The following FRMPD4 variants were observed in gnomAD, a reference collection of about 807,000 sequenced individuals.
FRMPD4 encodes the protein FERM and PDZ domain-containing protein 4.
FRMPD4 carries 22 observed loss-of-function variants against 94.1 expected under a neutral mutation model. The observed-to-expected ratio is 0.23, with a 90% confidence interval of 0.17 to 0.33. The LOEUF is 0.33. Among genes scored for constraint, FRMPD4 ranks in the 10% least tolerant of loss-of-function variants. FRMPD4 has a pLI of 1.00. For missense variants in FRMPD4, 1,111 were observed against 1,339.9 expected (o/e 0.83, Z 2.67); for synonymous variants, 631 against 548.6 (o/e 1.15, Z -2.10).
chrX:12,547,316 G>A (rs2058489292), intron 2 of FRMPD4, among the ~76,000 whole-genome samples: 2 of 111,404 alleles, frequency 1.8e-5, no homozygotes, highest in Admixed American at 1.9e-4. Flanking sequence ...TCTGGCTCCA[G>A]AAGCCATGCT....
chrX:12,310,144 G>A (rs1410321665), intron 1 of FRMPD4, among the ~76,000 whole-genome samples: 2 of 110,505 alleles, frequency 1.8e-5, no homozygotes, highest in Non-Finnish European at 3.8e-5. Flanking sequence ...GGAGATAGGG[G>A]TGGAGCCGTT....
intron 3 of FRMPD4, among the ~76,000 whole-genome samples, chrX:11,909,661 A>G (rs893605757): frequency 6.4e-5 from 7 of 109,881 alleles, no homozygotes; most frequent in African/African-American, 2.3e-4. Context: ...TAGTATATTC[A>G]TTAATGTTAT....
chrX:12,610,004 G>A (rs770388269), intron 3 of FRMPD4, 123 bp downstream of exon 3: 2 of 630,734 alleles, frequency 3.2e-6, no homozygotes, highest in South Asian at 6.5e-5. Flanking sequence ...CCAAAACCTG[G>A]ATAGAGTCAC....
intron 3 of FRMPD4, among the ~76,000 whole-genome samples, chrX:11,903,383 T>C (rs2053948700): frequency 8.9e-6 from 1 of 112,680 alleles, no homozygotes; most frequent in South Asian, 3.7e-4. Context: ...TTCATTTTTA[T>C]ATACAGTTTT....
chrX:12,648,108 C>T (rs1003838170), intron 4 of FRMPD4, among the ~76,000 whole-genome samples: 8 of 111,534 alleles, frequency 7.2e-5, no homozygotes, highest in Non-Finnish European at 1.5e-4. Flanking sequence ...ATAACTGAAC[C>T]TCCTCTGACA....
At chrX:12,178,642 C>T (rs981389626) in intron 1 of FRMPD4, among the ~76,000 whole-genome samples, 1 of 111,809 alleles carries the variant, frequency 8.9e-6, no homozygotes, top group African/African-American at 3.3e-5. Flanking sequence ...GTGCCAAGTA[C>T]TGTTCTAGGA....
At chrX:12,285,331 G>T in intron 1 of FRMPD4, among the ~76,000 whole-genome samples, 1 of 112,041 alleles carries the variant, frequency 8.9e-6, no homozygotes, top group South Asian at 3.8e-4. Flanking sequence ...TGCTAACAAA[G>T]ACCAACATCA....
intron 3 of FRMPD4, among the ~76,000 whole-genome samples, chrX:11,999,010 G>T: frequency 8.9e-6 from 1 of 111,825 alleles, no homozygotes; most frequent in Non-Finnish European, 1.9e-5. Context: ...GACAGTTCAG[G>T]ATCCCTATCT....
chrX:12,395,422 A>G (rs2056531049), intron 1 of FRMPD4, among the ~76,000 whole-genome samples: 1 of 112,544 alleles, frequency 8.9e-6, no homozygotes, highest in Non-Finnish European at 1.9e-5. Flanking sequence ...CACAAAATTA[A>G]TGGGCAATTT....
At chrX:12,129,290 G>A (rs1052795604) in intron 3 of FRMPD4, among the ~76,000 whole-genome samples, 1 of 111,582 alleles carries the variant, frequency 9.0e-6, no homozygotes, top group Non-Finnish European at 1.9e-5. Flanking sequence ...TACAATCATG[G>A]CAGAAGGGGA....
intron 3 of FRMPD4, among the ~76,000 whole-genome samples, chrX:12,076,731 A>T (rs909865802): frequency 9.0e-6 from 1 of 110,741 alleles, no homozygotes; most frequent in South Asian, 3.9e-4. Flanking sequence ...CTATGCATTG[A>T]TGACCTTTCC....
intron 1 of FRMPD4, among the ~76,000 whole-genome samples, chrX:12,475,133 A>C (rs1012120055): frequency 3.6e-5 from 4 of 111,939 alleles, no homozygotes; most frequent in African/African-American, 9.7e-5. Flanking sequence ...TGGGCTTCAT[A>C]CCTGGGATGC....
intron 4 of FRMPD4, among the ~76,000 whole-genome samples, chrX:12,629,133 A>G (rs5979698): frequency 0.12 from 13,561 of 112,025 alleles, 827 homozygotes; most frequent in East Asian, 0.3. Flanking sequence ...CTACAGTTCA[A>G]GATGAAATTT....
rs1424976021 is a variant in FRMPD4, at chrX:11,847,592, T to C, written c.-160-17494T>C. On this transcript the variant is annotated intron_variant, in intron 1 of 18. Coordinates refer to the FRMPD4 transcript ENST00000640291. ...AAAGACACATGCACACGTATGTTTA[T>C]TGCGGCAGTATTCACAATAGCAAAG... 2.8e-5 allele frequency among the ~76,000 whole-genome samples: 3 copies of C among 108,014 alleles called. No individual in the cohort carries two copies. In the East Asian group the frequency reaches 8.9e-4, roughly 32 times the overall value. The allele number at this position is 108,014 out of a possible 115,157, so 93.8% of individuals were successfully genotyped here.
chrX:12,522,114 C>CAAA (rs63200862), intron 2 of FRMPD4, among the ~76,000 whole-genome samples: 5 of 88,297 alleles, frequency 5.7e-5, no homozygotes, highest in African/African-American at 2.1e-4. Context: ...GTTACTTCTT[C>CAAA]AAAAAAAAAA....
At chrX:12,587,476 G>A (rs2058941804) in intron 2 of FRMPD4, among the ~76,000 whole-genome samples, 1 of 110,530 alleles carries the variant, frequency 9.0e-6, no homozygotes, top group Admixed American at 9.6e-5. Flanking sequence ...CTAATCTGCT[G>A]TCTCCATGGA....
chrX:12,496,481 C>T (rs775352783), intron 1 of FRMPD4, among the ~76,000 whole-genome samples: 269 of 111,659 alleles, frequency 2.4e-3, no homozygotes, highest in Middle Eastern at 4.6e-3. Flanking sequence ...TTGGGAAGTA[C>T]ATAAAACCCT....
chrX:12,599,669 G>A (rs2059066492), intron 2 of FRMPD4, among the ~76,000 whole-genome samples: 1 of 111,666 alleles, frequency 9.0e-6, no homozygotes, highest in African/African-American at 3.3e-5. Flanking sequence ...CAAGGGCTGT[G>A]GTGAGCTTTG....
chrX:12,019,768 G>C (rs763883875), intron 3 of FRMPD4, among the ~76,000 whole-genome samples: 1 of 110,998 alleles, frequency 9.0e-6, no homozygotes, highest in Non-Finnish European at 1.9e-5. Context: ...TCAAGGCCAA[G>C]TTCAAATGAT....
Sources: allele counts gnomAD v4.1 joint callset (sites outside exome capture counted in the v4.1 genomes callset), GRCh38; gene constraint gnomAD v4.1.1; transcripts MANE v1.5; gene names NCBI Gene and HGNC (gene_info 2026-07-23, HGNC 2026-07-21).